Variants in CNTN1 observed in about 807,000 individuals in gnomAD.
The protein encoded by CNTN1 is contactin-1.
In CNTN1, 38 loss-of-function variants were observed where a neutral mutation model predicts 126.4. The observed-to-expected ratio is 0.30, with a 90% CI of 0.23 to 0.39. The LOEUF (loss-of-function observed/expected upper bound fraction) is 0.39. Ranked by LOEUF, CNTN1 falls within the 10% of genes least tolerant of loss-of-function variation. The probability of loss-of-function intolerance (pLI) is 1.00; values close to 1 mark genes in which losing one functional copy is unlikely to be tolerated. For missense variants in CNTN1, 1,009 were observed against 1,248.4 expected (o/e 0.81, Z 2.89); for synonymous variants, 413 against 422.6 (o/e 0.98, Z 0.28).
At chr12:40,868,307 A>C (rs1227423334) in intron 1 of CNTN1, among the ~76,000 whole-genome samples, 1 of 152,122 alleles carries the variant, frequency 6.6e-6, no homozygotes, top group African/African-American at 2.4e-5. Flanking sequence ...ATTTGGATGA[A>C]AATTTGTAAT....
intron 1 of CNTN1, among the ~76,000 whole-genome samples, chr12:40,859,877 T>G (rs1943058665): frequency 2.0e-5 from 3 of 152,168 alleles, no homozygotes; most frequent in African/African-American, 7.2e-5. Flanking sequence ...CATCCAAAAC[T>G]TTTCTACTTT....
At chr12:40,925,786 A>G (rs1945649401) in intron 6 of CNTN1, among the ~76,000 whole-genome samples, 1 of 139,796 alleles carries the variant, frequency 7.2e-6, no homozygotes, top group Non-Finnish European at 1.5e-5. Context: ...CTTTTTCTTA[A>G]GGAACTATTG....
At chr12:41,025,050 A>G in intron 20 of CNTN1, 100 bp from the exon 21 acceptor site, 1 of 1,120,078 alleles carries the variant, frequency 8.9e-7, no homozygotes, top group Non-Finnish European at 1.3e-6. Context: ...AAATATGATG[A>G]TCAGCCAACA....
chr12:40,804,436 T>C (rs1940768615), intron 1 of CNTN1, among the ~76,000 whole-genome samples: 1 of 151,992 alleles, frequency 6.6e-6, no homozygotes, highest in South Asian at 2.1e-4. Flanking sequence ...TGAAAACCCT[T>C]CAAGAGACTG....
chr12:40,806,585 C>T (rs557018608), intron 1 of CNTN1, among the ~76,000 whole-genome samples: 134 of 152,260 alleles, frequency 8.8e-4, no homozygotes, highest in African/African-American at 2.3e-3. Context: ...CCTTCCCTAA[C>T]GCCAATCTTC....
rs546121119 is a variant in CNTN1, at chr12:40,728,146, T to C, written c.-77+35554T>C. 2.0e-5 allele frequency among the ~76,000 whole-genome samples: 3 copies of C among 152,330 alleles called. No homozygotes were observed. In the South Asian group the frequency reaches 6.2e-4, roughly 32 times the overall value. On this transcript the variant is annotated intron_variant, in intron 1 of 23. Transcript: ENST00000551295. Reference sequence around the variant, plus strand: ...ACAACAGCCATGCTTTCAATTAACATTAATTTTAGCAGCTAGAAGGAGAAA... The same window carrying C: ...ACAACAGCCATGCTTTCAATTAACACTAATTTTAGCAGCTAGAAGGAGAAA...
In CNTN1 at chr12:40,720,331, GACTT is replaced by G. The variant is rs528250051; in HGVS notation, c.-77+27741_-77+27744del. 4.3e-4 allele frequency among the ~76,000 whole-genome samples: 66 copies of G among 151,878 alleles called. 1 individual carries two copies. The highest frequency in any genetic ancestry group is 1.5e-3 in the African/African-American group (64 of 41,398). ...CTAGTTTTTTTCATTGACTTTTAAA[GACTT>G]AATTAAGAGTATGCTTATTTCATTG... is the stretch of plus-strand genomic sequence containing the variant. On this transcript the variant is annotated intron_variant, in intron 1 of 23. Transcript: ENST00000551295.
At chr12:40,930,090 A>T in intron 7 of CNTN1, 88 bp downstream of exon 7, 1 of 1,082,362 alleles carries the variant, frequency 9.2e-7, no homozygotes, top group Non-Finnish European at 1.4e-6. Context: ...TCCAGTGAAG[A>T]CTAGCTGACT....
chr12:40,790,265 C>CAGA (rs1180331481), intron 1 of CNTN1, among the ~76,000 whole-genome samples: 1 of 152,072 alleles, frequency 6.6e-6, no homozygotes, highest in African/African-American at 2.4e-5. Context: ...AAAGGCAACA[C>CAGA]AGATGAACTT....
intron 1 of CNTN1, among the ~76,000 whole-genome samples, chr12:40,800,456 A>G (rs113848762): frequency 0.013 from 1,932 of 152,142 alleles, 39 homozygotes; most frequent in African/African-American, 0.044. Flanking sequence ...AATACAAGTT[A>G]GGAGGAAAAA....
intron 1 of CNTN1, among the ~76,000 whole-genome samples, chr12:40,766,664 A>G (rs1475355890): frequency 2.0e-5 from 3 of 152,208 alleles, no homozygotes; most frequent in African/African-American, 7.2e-5. Context: ...AATAGAATAT[A>G]TTAGAGTGTG....
chr12:40,840,237 T>C (rs1942222446), intron 1 of CNTN1, among the ~76,000 whole-genome samples: 1 of 151,792 alleles, frequency 6.6e-6, no homozygotes, highest in African/African-American at 2.4e-5. Context: ...AAAAGCAGTT[T>C]AAAAAAAGAC....
At chr12:40,811,367 C>A (rs943779641) in intron 1 of CNTN1, among the ~76,000 whole-genome samples, 6 of 152,028 alleles carry the variant, frequency 3.9e-5, no homozygotes, top group African/African-American at 1.4e-4. Context: ...CTGTAATTTT[C>A]TTTTCTTGTA....
In CNTN1 at chr12:40,768,184, GTTAC is replaced by G. The variant is rs1939192242; in HGVS notation, c.-77+75596_-77+75599del. Reference sequence around the variant, plus strand: ...TTTACAAATTATTAATAGTTGCTGTGTTACTTAATTGTTACCACAATTCTCTGAA... The same window carrying G: ...TTTACAAATTATTAATAGTTGCTGTGTTAATTGTTACCACAATTCTCTGAA... On this transcript the variant is annotated intron_variant, in intron 1 of 23. Transcript: ENST00000551295. Among the ~76,000 whole-genome samples the G allele has an allele frequency of 3.3e-5, 5 of 152,174 alleles. No homozygotes were observed. In the South Asian group the frequency reaches 8.3e-4, roughly 25 times the overall value.
intron 7 of CNTN1, among the ~76,000 whole-genome samples, chr12:40,932,206 A>G (rs1025987209): frequency 1.3e-5 from 2 of 151,906 alleles, no homozygotes; most frequent in Non-Finnish European, 2.9e-5. Context: ...TTCACTTGTC[A>G]AGGGTGGGGC....
At chr12:40,993,648 G>A (rs545153626) in intron 17 of CNTN1, among the ~76,000 whole-genome samples, 2 of 152,188 alleles carry the variant, frequency 1.3e-5, no homozygotes, top group African/African-American at 4.8e-5. Flanking sequence ...GATTAAACAT[G>A]TTTCATGATT....
At position 41,070,774 on chromosome 12, in the gene CNTN1, G is replaced by C. The variant is rs1592495841; in HGVS notation, c.*739G>C. 6.6e-6 allele frequency: 1 copy of C among 151,950 alleles called. No homozygotes were observed. The highest frequency in any genetic ancestry group is 1.9e-4 in the East Asian group (1 of 5,180). 9.4% of individuals were successfully genotyped at this position (151,950 alleles called of 1,614,324 possible). ...TTTTACTTTTATATTCTACTCTGAA[G>C]TTATTTTATGCTTTTCTTATCAATT... On this transcript the variant is annotated 3_prime_UTR_variant, in exon 24 of 24. Coordinates refer to ENST00000551295, the MANE Select transcript of CNTN1 (RefSeq NM_001843.4).
chr12:40,930,286 A>T (rs985526380), intron 7 of CNTN1, among the ~76,000 whole-genome samples: 3 of 151,996 alleles, frequency 2.0e-5, no homozygotes, highest in African/African-American at 4.8e-5. Context: ...TGTATTGGTT[A>T]CAGTGGAAAT....
intron 6 of CNTN1, among the ~76,000 whole-genome samples, chr12:40,924,881 C>CATATAT (rs138237336): frequency 0.017 from 1,921 of 112,114 alleles, 135 homozygotes; most frequent in African/African-American, 0.06. Context: ...AGTTTATAAA[C>CATATAT]ATATATATAT....
Sources: allele counts gnomAD v4.1 joint callset (sites outside exome capture counted in the v4.1 genomes callset), GRCh38; gene constraint gnomAD v4.1.1; transcripts MANE v1.5; gene names NCBI Gene and HGNC (gene_info 2026-07-23, HGNC 2026-07-21).